The following WASF2 variants were observed in gnomAD, a reference collection of about 807,000 sequenced individuals.
The protein encoded by WASF2 is WASP family member 2.
A neutral mutation model predicts 45.0 loss-of-function variants in WASF2; 14 were observed. The observed-to-expected ratio is 0.31, with a 90% CI of 0.21 to 0.49. The LOEUF (loss-of-function observed/expected upper bound fraction) is 0.49, where lower values mean the gene tolerates loss of function less well. Among genes scored for constraint, WASF2 ranks in the 20% least tolerant of loss-of-function variants. The probability of loss-of-function intolerance (pLI) is 0.99; values close to 1 mark genes in which losing one functional copy is unlikely to be tolerated. For synonymous variants in WASF2, 200 were observed against 236.3 expected, an observed-to-expected ratio of 0.85 and a Z score of 1.41; for missense variants, 439 against 636.1, an observed-to-expected ratio of 0.69 and a Z score of 3.33.
At chr1:27,408,476 T>C in intron 8 of WASF2, 130 bp from the exon 9 acceptor site, 1 of 1,274,028 alleles carries the variant, frequency 7.8e-7, no homozygotes, top group Non-Finnish European at 1.1e-6. Context: ...AGAAGGTTGT[T>C]ATGGAAAAGC....
intron 1 of WASF2, among the ~76,000 whole-genome samples, chr1:27,455,994 G>A (rs1017545809): frequency 1.3e-5 from 2 of 152,190 alleles, no homozygotes; most frequent in South Asian, 2.1e-4. Flanking sequence ...ACAGAAAGAT[G>A]AACATAAATC....
In WASF2 at chr1:27,409,879, G is replaced by A; in HGVS notation, c.1152C>T (p.Ser384=). 6.4e-7 allele frequency: 1 copy of A among 1,571,548 alleles called. No individual in the cohort carries two copies. ...DYPTLPPPPL[S]QPTGGAPPPP... Reference sequence around the variant, plus strand: ...GAGGAGGTGCTCCTCCTGTTGGCTGGGACAAGGGAGGTGGTGGCAGAGTTG... The same window carrying A: ...GAGGAGGTGCTCCTCCTGTTGGCTGAGACAAGGGAGGTGGTGGCAGAGTTG... Residue 384 remains serine, a synonymous_variant, in exon 8 of 9, where the codon TCC becomes TCT. Transcript: ENST00000618852.
Position 27,404,794 on chromosome 1 carries a change from C to A in WASF2, c.*3395G>T, listed in dbSNP as rs1192930453. On this transcript the variant is annotated 3_prime_UTR_variant, in exon 9 of 9. Coordinates refer to ENST00000618852, the MANE Select transcript of WASF2 (RefSeq NM_006990.5). ...AATTGTTCCCTAACCCACACTGAGG[C>A]ACAGTTAAAGGGAACATGGTAGGAG... is the stretch of plus-strand genomic sequence containing the variant. The A allele has an allele frequency of 6.6e-6, 1 of 152,230 alleles. No individual in the cohort carries two copies. Among genetic ancestry groups the A allele is most frequent in the East Asian group, 1.9e-4 (1 of 5,202 alleles). 9.4% of individuals were successfully genotyped at this position (152,230 alleles called of 1,614,324 possible). A position where few individuals can be genotyped will look rare whatever the true frequency, so the allele number is the denominator to read the frequency against.
intron 5 of WASF2, 102 bp from the exon 6 acceptor site, chr1:27,415,065 C>T: frequency 4.9e-6 from 7 of 1,427,096 alleles, no homozygotes; most frequent in Non-Finnish European, 5.8e-6. Flanking sequence ...GATAATCTGC[C>T]TAGACAACAT....
At chr1:27,417,122 CTG>C (rs1324597180) in intron 4 of WASF2, among the ~76,000 whole-genome samples, 2 of 152,186 alleles carry the variant, frequency 1.3e-5, no homozygotes, top group South Asian at 4.1e-4. Context: ...AATTCTGACA[CTG>C]TATGCTAAAA....
chr1:27,412,215 T>TG (rs1181778410), intron 7 of WASF2, among the ~76,000 whole-genome samples: 1 of 152,322 alleles, frequency 6.6e-6, no homozygotes, highest in East Asian at 1.9e-4. Context: ...TTTAACTTTT[T>TG]GTTTGTTTTT....
chr1:27,485,420 G>A (rs1208674831), intron 1 of WASF2, among the ~76,000 whole-genome samples: 1 of 151,484 alleles, frequency 6.6e-6, no homozygotes. Context: ...CATCTCTACT[G>A]TTTAAAAAAA....
At chr1:27,452,312 A>C (rs1021104136) in intron 1 of WASF2, among the ~76,000 whole-genome samples, 1 of 152,202 alleles carries the variant, frequency 6.6e-6, no homozygotes. Context: ...CAAAAGATCA[A>C]GACCATCTTG....
intron 1 of WASF2, among the ~76,000 whole-genome samples, chr1:27,431,820 T>C (rs1052147694): frequency 3.9e-5 from 6 of 152,210 alleles, no homozygotes; most frequent in African/African-American, 1.4e-4. Context: ...TGTTTGGGGT[T>C]TACCTGGAAC....
At chr1:27,434,889 G>C (rs984743853) in intron 1 of WASF2, among the ~76,000 whole-genome samples, 1 of 152,160 alleles carries the variant, frequency 6.6e-6, no homozygotes, top group African/African-American at 2.4e-5. Context: ...ACTGGATGAG[G>C]CCCTTTAAGG....
chr1:27,430,851 A>C, intron 1 of WASF2, among the ~76,000 whole-genome samples: 1 of 152,098 alleles, frequency 6.6e-6, no homozygotes. Flanking sequence ...ATTTACATCA[A>C]ATCTTAAAAT....
At chr1:27,465,560 C>T (rs1277898143) in intron 1 of WASF2, among the ~76,000 whole-genome samples, 1 of 152,124 alleles carries the variant, frequency 6.6e-6, no homozygotes, top group Non-Finnish European at 1.5e-5. Context: ...CCATGATGAC[C>T]CACAAAACCT....
At chr1:27,481,958 T>A (rs1261522831) in intron 1 of WASF2, among the ~76,000 whole-genome samples, 1 of 152,188 alleles carries the variant, frequency 6.6e-6, no homozygotes, top group Non-Finnish European at 1.5e-5. Flanking sequence ...TGAACATTAT[T>A]TCTTCAGCAA....
intron 1 of WASF2, among the ~76,000 whole-genome samples, chr1:27,456,787 T>A (rs2017473535): frequency 6.6e-6 from 1 of 150,818 alleles, no homozygotes; most frequent in Non-Finnish European, 1.5e-5. Flanking sequence ...CAGGCTGGAA[T>A]GCAATGGTGC....
chr1:27,480,827 TG>T (rs1314641911), intron 1 of WASF2, among the ~76,000 whole-genome samples: 20 of 151,906 alleles, frequency 1.3e-4, no homozygotes, highest in African/African-American at 3.9e-4. Context: ...GCTAACACGG[TG>T]AAACCCCGTC....
chr1:27,454,118 T>C (rs935187891), intron 1 of WASF2, among the ~76,000 whole-genome samples: 2 of 143,630 alleles, frequency 1.4e-5, no homozygotes, highest in African/African-American at 2.6e-5. Flanking sequence ...TGTGTATATA[T>C]ATGTGTGTAT....
chr1:27,408,504 T>C (rs1290400351), intron 8 of WASF2, among the ~76,000 whole-genome samples, 158 bp from the exon 9 acceptor site: 2 of 152,216 alleles, frequency 1.3e-5, no homozygotes, highest in Admixed American at 1.3e-4. Flanking sequence ...GATGAGTTTA[T>C]GAAATTGATG....
chr1:27,456,829 G>T (rs538692865), intron 1 of WASF2, among the ~76,000 whole-genome samples: 1 of 150,680 alleles, frequency 6.6e-6, no homozygotes, highest in African/African-American at 2.4e-5. Flanking sequence ...TCCGCCTCAC[G>T]GGTTCAAGTG....
At chr1:27,454,448 C>T (rs1318892924) in intron 1 of WASF2, among the ~76,000 whole-genome samples, 3 of 151,290 alleles carry the variant, frequency 2.0e-5, no homozygotes, top group Non-Finnish European at 2.9e-5. Context: ...CTCCTGGGCT[C>T]AAGAGATCCT....
Sources: gnomAD v4.1 joint callset for allele counts (sites outside exome capture counted in the v4.1 genomes callset) on GRCh38, gnomAD v4.1.1 for gene constraint, MANE v1.5 for transcripts, NCBI Gene and HGNC (gene_info 2026-07-23, HGNC 2026-07-21) for gene names.